GLCE: variants seen among roughly 807,000 people sequenced by gnomAD.
GLCE encodes the protein D-glucuronyl C5-epimerase.
In GLCE, 19 loss-of-function variants were observed where a neutral mutation model predicts 47.9. The observed-to-expected ratio is 0.40, with a 90% CI of 0.28 to 0.58. The LOEUF is 0.58. Among genes scored for constraint, GLCE ranks in the 20% least tolerant of loss-of-function variants. The probability of loss-of-function intolerance (pLI) is 0.48; values close to 1 mark genes in which losing one functional copy is unlikely to be tolerated. For missense variants in GLCE, 556 were observed against 743.3 expected, an observed-to-expected ratio of 0.75 and a Z score of 2.93; for synonymous variants, 245 against 263.4, an observed-to-expected ratio of 0.93 and a Z score of 0.68.
At chr15:69,264,943 C>T (rs2053064930) in intron 4 of GLCE, among the ~76,000 whole-genome samples, 1 of 152,028 alleles carries the variant, frequency 6.6e-6, no homozygotes, top group South Asian at 2.1e-4. Context: ...AACCTCTTAT[C>T]AGATATATGT....
Position 69,199,463 on chromosome 15 carries a change from CAGGT to C in GLCE, c.-104-10849_-104-10846del, listed in dbSNP as rs950138739. Among the ~76,000 whole-genome samples the C allele has an allele frequency of 9.9e-5, 15 of 152,202 alleles. No individual in the cohort carries two copies. In the East Asian group the frequency reaches 2.1e-3, roughly 22 times the overall value. On this transcript the variant is annotated intron_variant, in intron 1 of 4. Transcript: ENST00000261858. The stretch of plus-strand genomic sequence containing the variant: ...AATCTTTATAAAAATAAGATTTTAA[CAGGT>C]AGGAATAAGCATCATCAATCAGATC...
intron 2 of GLCE, among the ~76,000 whole-genome samples, chr15:69,246,253 C>G (rs1202020245): frequency 6.6e-6 from 1 of 152,146 alleles, no homozygotes; most frequent in Non-Finnish European, 1.5e-5. Flanking sequence ...CTTACAAACT[C>G]TGTTCATGTT....
chr15:69,187,260 A>G (rs976778940), intron 1 of GLCE, among the ~76,000 whole-genome samples: 2 of 152,158 alleles, frequency 1.3e-5, no homozygotes, highest in Non-Finnish European at 2.9e-5. Flanking sequence ...AGCTTTTTCT[A>G]AATGAAAAGA....
intron 2 of GLCE, among the ~76,000 whole-genome samples, chr15:69,213,811 A>G (rs145905769): frequency 1.3e-5 from 2 of 152,048 alleles, no homozygotes; most frequent in East Asian, 1.9e-4. Flanking sequence ...ACATTTATCA[A>G]TTATAATTCT....
rs182025835 is a variant in GLCE at position 69,219,636 on chromosome 15, T to C, written c.-14+9230T>C. ...ACTCTAGATCTTATTTTTTTGTTGT[T>C]CTTCTTTACAAATAAGCTGGTTGGA... On this transcript the variant is annotated intron_variant, in intron 2 of 4. Coordinates refer to ENST00000261858, the MANE Select transcript of GLCE (RefSeq NM_015554.3). 4.6e-5 allele frequency among the ~76,000 whole-genome samples: 7 copies of C among 152,272 alleles called. 1 individual carries two copies. Among genetic ancestry groups the C allele is most frequent in the African/African-American group, 1.7e-4 (7 of 41,582 alleles).
intron 4 of GLCE, among the ~76,000 whole-genome samples, chr15:69,265,621 G>A (rs770909774): frequency 7.2e-5 from 11 of 152,080 alleles, no homozygotes; most frequent in East Asian, 5.8e-4. Context: ...CCTTGACATC[G>A]TTCATTACTG....
chr15:69,261,995 ATAAT>A (rs747447286), intron 4 of GLCE, among the ~76,000 whole-genome samples: 28 of 152,348 alleles, frequency 1.8e-4, no homozygotes, highest in Admixed American at 7.2e-4. Context: ...AGACAATGAA[ATAAT>A]TTTAGTTAGC....
chr15:69,161,600 G>T (rs1595727706), intron 1 of GLCE, among the ~76,000 whole-genome samples: 1 of 152,226 alleles, frequency 6.6e-6, no homozygotes, highest in Non-Finnish European at 1.5e-5. Flanking sequence ...GTGCTACCGC[G>T]CAGGCTGGGC....
chr15:69,265,966 A>G (rs189089148), intron 4 of GLCE, among the ~76,000 whole-genome samples: 98 of 152,360 alleles, frequency 6.4e-4, no homozygotes, highest in African/African-American at 9.6e-4. Context: ...GCAGTGTTTC[A>G]GGGATGTTGT....
chr15:69,258,182 G>C (rs1247065970), intron 3 of GLCE, among the ~76,000 whole-genome samples: 1 of 152,062 alleles, frequency 6.6e-6, no homozygotes, highest in African/African-American at 2.4e-5. Context: ...AGTGTGTGTT[G>C]TTCCCCTCTA....
In GLCE at chr15:69,193,814, A is replaced by G. The variant is rs144837116; in HGVS notation, c.-104-16502A>G. Among the ~76,000 whole-genome samples, 89 of 152,230 alleles carry G rather than the reference A, an allele frequency of 5.8e-4. 1 individual carries two copies. The highest frequency in any genetic ancestry group is 3.6e-3 in the Admixed American group (55 of 15,268). On this transcript the variant is annotated intron_variant, in intron 1 of 4. Transcript: ENST00000261858. Reference sequence around the variant, plus strand: ...ACACGCTTTGCACTGGATATTCCAGACTAAGATCACTTTTATTACCTAGGG... The same window carrying G: ...ACACGCTTTGCACTGGATATTCCAGGCTAAGATCACTTTTATTACCTAGGG...
At chr15:69,222,410 G>A (rs1566960429) in intron 2 of GLCE, among the ~76,000 whole-genome samples, 1 of 152,194 alleles carries the variant, frequency 6.6e-6, no homozygotes, top group African/African-American at 2.4e-5. Context: ...CGACCAGACA[G>A]GGACTATGCG....
At chr15:69,202,922 A>AAAATAAATGTTTCTAAACAAATAGCC (rs1294418133) in intron 1 of GLCE, among the ~76,000 whole-genome samples, 1 of 152,148 alleles carries the variant, frequency 6.6e-6, no homozygotes, top group East Asian at 1.9e-4. Flanking sequence ...TATATTTTAT[A>AAAATAAATGTTTCTAAACAAATAGCC]TAAAACTTCA....
At chr15:69,213,307 A>G (rs2052258662) in intron 2 of GLCE, among the ~76,000 whole-genome samples, 1 of 152,020 alleles carries the variant, frequency 6.6e-6, no homozygotes. Context: ...AGGATCCCAT[A>G]TTACATTTAG....
intron 1 of GLCE, among the ~76,000 whole-genome samples, chr15:69,166,696 G>A (rs2051506510): frequency 6.6e-6 from 1 of 152,114 alleles, no homozygotes; most frequent in African/African-American, 2.4e-5. Flanking sequence ...GAGGCGGGCG[G>A]ATTACCTGAA....
chr15:69,170,211 T>C lies in GLCE; in HGVS notation c.-105+9454T>C, dbSNP rs537695949. 7.5e-4 allele frequency among the ~76,000 whole-genome samples: 114 copies of C among 152,304 alleles called. 3 individuals carry two copies. In the South Asian group the frequency reaches 0.022, roughly 29 times the overall value. The stretch of plus-strand genomic sequence containing the variant: ...AATATCTTACTTAATTTGTATTTCT[T>C]TGGTTATAAGTGAAGTTGAAACATT... On this transcript the variant is annotated intron_variant, in intron 1 of 4. Transcript: ENST00000261858.
At chr15:69,226,488 A>G (rs1041711150) in intron 2 of GLCE, among the ~76,000 whole-genome samples, 12 of 152,204 alleles carry the variant, frequency 7.9e-5, no homozygotes, top group Non-Finnish European at 1.8e-4. Context: ...CCTAAAATGT[A>G]GCGTTTTTAC....
intron 1 of GLCE, among the ~76,000 whole-genome samples, chr15:69,170,711 C>T (rs143053760): frequency 1.6e-3 from 250 of 152,250 alleles, no homozygotes; most frequent in African/African-American, 5.7e-3. Context: ...AGCTATGATT[C>T]GTATCTGGCT....
chr15:69,246,653 T>G (rs1448398092), intron 2 of GLCE, among the ~76,000 whole-genome samples: 1 of 150,872 alleles, frequency 6.6e-6, no homozygotes, highest in Non-Finnish European at 1.5e-5. Context: ...GAGGCAGAGG[T>G]TGCAGTGAGC....
Sources: allele counts gnomAD v4.1 joint callset (sites outside exome capture counted in the v4.1 genomes callset), GRCh38; gene constraint gnomAD v4.1.1; transcripts MANE v1.5; gene names NCBI Gene and HGNC (gene_info 2026-07-23, HGNC 2026-07-21).